SNTG1: variants seen among roughly 807,000 people sequenced by gnomAD.
SNTG1 encodes syntrophin gamma 1, also known as gamma-1-syntrophin.
SNTG1 carries 39 observed loss-of-function variants against 74.7 expected under a neutral mutation model. That is an observed-to-expected ratio of 0.52 (90% CI 0.40 to 0.68). The LOEUF (loss-of-function observed/expected upper bound fraction) is 0.68. SNTG1 is among the 30% of genes least tolerant of loss of function. The pLI is 0.00. For missense variants in SNTG1, 685 were observed against 609.5 expected, an observed-to-expected ratio of 1.12 and a Z score of -1.30; for synonymous variants, 254 against 217.1, an observed-to-expected ratio of 1.17 and a Z score of -1.49.
At chr8:50,709,604 T>C (rs774223754) in intron 17 of SNTG1, among the ~76,000 whole-genome samples, 2 of 152,150 alleles carry the variant, frequency 1.3e-5, no homozygotes, top group Non-Finnish European at 2.9e-5. Context: ...CAATTTTGAT[T>C]ATTATGGAAT....
chr8:50,752,817 T>C (rs1404504377), intron 18 of SNTG1, among the ~76,000 whole-genome samples: 2 of 152,000 alleles, frequency 1.3e-5, no homozygotes, highest in Non-Finnish European at 1.5e-5. Flanking sequence ...CACTGCTCTA[T>C]GTTTAGATTA....
At chr8:50,354,518 A>G (rs2091763671) in intron 2 of SNTG1, among the ~76,000 whole-genome samples, 2 of 152,172 alleles carry the variant, frequency 1.3e-5, no homozygotes, top group South Asian at 2.1e-4. Flanking sequence ...ACAATTATGT[A>G]TTGTTTCATG....
chr8:50,362,666 G>A (rs1404020828), intron 2 of SNTG1, among the ~76,000 whole-genome samples: 1 of 151,704 alleles, frequency 6.6e-6, no homozygotes, highest in Non-Finnish European at 1.5e-5. Flanking sequence ...TCTTTCCCTG[G>A]TTATTTTTAC....
chr8:50,724,480 C>T (rs2095495280), intron 17 of SNTG1, among the ~76,000 whole-genome samples: 1 of 152,006 alleles, frequency 6.6e-6, no homozygotes, highest in Non-Finnish European at 1.5e-5. Context: ...ATTGGTTCAC[C>T]TGTAAGATTA....
At chr8:50,264,816 G>A (rs1342318178) in intron 2 of SNTG1, among the ~76,000 whole-genome samples, 2 of 151,974 alleles carry the variant, frequency 1.3e-5, no homozygotes, top group African/African-American at 4.8e-5. Context: ...TACTGAGCTT[G>A]CAGAATTAAT....
chr8:50,188,097 A>G (rs1433943812), intron 2 of SNTG1, among the ~76,000 whole-genome samples: 1 of 152,152 alleles, frequency 6.6e-6, no homozygotes, highest in Non-Finnish European at 1.5e-5. Flanking sequence ...TTCATTATTA[A>G]AATATTGGTC....
intron 2 of SNTG1, among the ~76,000 whole-genome samples, chr8:50,331,212 C>T (rs565960507): frequency 6.6e-6 from 1 of 152,188 alleles, no homozygotes; most frequent in Admixed American, 6.5e-5. Context: ...TGGGCAGACA[C>T]ATGTGGTACG....
chr8:49,961,793 C>G (rs1810708382), intron 1 of SNTG1, among the ~76,000 whole-genome samples: 1 of 152,176 alleles, frequency 6.6e-6, no homozygotes, highest in Admixed American at 6.5e-5. Context: ...AAATTTGGAA[C>G]TCCTGTCACC....
At chr8:50,340,315 C>A (rs1285080148) in intron 2 of SNTG1, among the ~76,000 whole-genome samples, 2 of 151,922 alleles carry the variant, frequency 1.3e-5, no homozygotes, top group African/African-American at 4.8e-5. Flanking sequence ...ACTATCTTAT[C>A]TTAAGAGTTT....
At position 50,484,081 on chromosome 8, in the gene SNTG1, T is replaced by C. The variant is rs530577066; in HGVS notation, c.364-18697T>C. On this transcript the variant is annotated intron_variant, in intron 8 of 18. Coordinates refer to ENST00000642720, the MANE Select transcript of SNTG1 (RefSeq NM_018967.5). ...GGATTTTCTTTCTTTCTTTTCTCTT[T>C]TTCTTTCTCTCTTTCTTTCTCTCTT... Among the ~76,000 whole-genome samples, 8 of 151,722 alleles carry C rather than the reference T, an allele frequency of 5.3e-5. No individual in the cohort carries two copies. The South Asian group carries it at 1.5e-3, about 28-fold the overall frequency.
At chr8:50,744,684 T>C (rs1585692877) in intron 17 of SNTG1, among the ~76,000 whole-genome samples, 2 of 152,100 alleles carry the variant, frequency 1.3e-5, no homozygotes, top group East Asian at 3.9e-4. Flanking sequence ...AATAGTGTTG[T>C]CCTGTCATAG....
intron 1 of SNTG1, among the ~76,000 whole-genome samples, chr8:50,056,776 C>A (rs1446121590): frequency 2.0e-5 from 3 of 152,176 alleles, no homozygotes; most frequent in African/African-American, 7.2e-5. Flanking sequence ...CAATGTCAAG[C>A]AAGATAGATG....
chr8:50,066,802 T>C (rs754982240), intron 1 of SNTG1, among the ~76,000 whole-genome samples: 1 of 152,238 alleles, frequency 6.6e-6, no homozygotes, highest in Non-Finnish European at 1.5e-5. Context: ...GCACGTTGAC[T>C]TTGTACCGTT....
intron 8 of SNTG1, among the ~76,000 whole-genome samples, chr8:50,500,154 C>A (rs2093938685): frequency 6.8e-6 from 1 of 147,562 alleles, no homozygotes; most frequent in South Asian, 2.2e-4. Flanking sequence ...TTCAGTCCCT[C>A]TTCTTTCTCC....
chr8:50,148,733 T>TC (rs2081961771), intron 1 of SNTG1, among the ~76,000 whole-genome samples: 1 of 152,212 alleles, frequency 6.6e-6, no homozygotes, highest in Non-Finnish European at 1.5e-5. Flanking sequence ...CATGAACTCA[T>TC]CATTTTTATG....
chr8:50,585,352 A>G (rs1021954442), intron 12 of SNTG1, among the ~76,000 whole-genome samples: 17 of 152,160 alleles, frequency 1.1e-4, no homozygotes, highest in African/African-American at 3.6e-4. Flanking sequence ...CTGTGATCCA[A>G]AAGCAGCCGG....
chr8:50,759,550 A>G (rs1441054179), intron 18 of SNTG1, among the ~76,000 whole-genome samples: 1 of 152,000 alleles, frequency 6.6e-6, no homozygotes, highest in African/African-American at 2.4e-5. Flanking sequence ...TCCCAGCACC[A>G]TTTATTAAAT....
intron 15 of SNTG1, among the ~76,000 whole-genome samples, chr8:50,670,232 G>A (rs371546733): frequency 6.6e-6 from 1 of 152,136 alleles, no homozygotes; most frequent in African/African-American, 2.4e-5. Flanking sequence ...TATTCAATTA[G>A]GAAAAGAAGA....
At position 50,741,697 on chromosome 8, in the gene SNTG1, A is replaced by G. The variant is rs568651680; in HGVS notation, c.1285-10304A>G. ...GGAAAATGGAATATTATTGAGCATCAGAAAAGAAAAGCCATGAAATGGCAT... is the reference window on the plus strand; with the variant it reads ...GGAAAATGGAATATTATTGAGCATCGGAAAAGAAAAGCCATGAAATGGCAT... On this transcript the variant is annotated intron_variant, in intron 17 of 18. Transcript: ENST00000642720. 3.3e-5 allele frequency among the ~76,000 whole-genome samples: 5 copies of G among 152,220 alleles called. No homozygotes were observed. The South Asian group carries it at 8.3e-4, about 25-fold the overall frequency.
Sources: allele counts gnomAD v4.1 joint callset (sites outside exome capture counted in the v4.1 genomes callset), GRCh38; gene constraint gnomAD v4.1.1; transcripts MANE v1.5; gene names NCBI Gene and HGNC (gene_info 2026-07-23, HGNC 2026-07-21).